UNC45A: variants seen among roughly 807,000 people sequenced by gnomAD.
The protein encoded by UNC45A is unc-45 myosin chaperone A.
A neutral mutation model predicts 103.2 loss-of-function variants in UNC45A; 78 were observed. The observed-to-expected ratio is 0.76, with a 90% CI of 0.63 to 0.91. The LOEUF (loss-of-function observed/expected upper bound fraction) is 0.91, where lower values mean the gene tolerates loss of function less well. Ranked by LOEUF, UNC45A falls within the 40% of genes least tolerant of loss-of-function variation. UNC45A has a pLI of 0.00. For synonymous variants in UNC45A, 495 were observed against 504.6 expected (o/e 0.98, Z 0.25); for missense variants, 1,193 against 1,224.8 (o/e 0.97, Z 0.39).
rs776816231 is a variant in UNC45A at position 90,935,350 on chromosome 15, C to T, written c.26C>T (p.Pro9Leu). The T allele has an allele frequency of 6.2e-7, 1 of 1,604,360 alleles. No homozygotes were observed. The highest frequency in any genetic ancestry group is 2.3e-5 in the East Asian group (1 of 44,432). The change falls in exon 1 of 20, where the codon CCC becomes CTC. Residue 9 changes from proline (P) to leucine (L), a missense_variant. Transcript: ENST00000418476. ...ATGACTGTGAGTGGTCCAGGGACCC[C>T]CGAGCCCCGGCCGGCCACCCCCGGG... MTVSGPGT[P>L]EPRPATPGAS... is the part of the protein sequence containing the mutation.
At chr15:90,947,662 A>G (rs949513494) in intron 10 of UNC45A, 134 bp from the exon 11 acceptor site, 4 of 640,968 alleles carry the variant, frequency 6.2e-6, no homozygotes, top group Admixed American at 4.8e-5. Flanking sequence ...CTGGAGGGAG[A>G]GGGTGCTGAT....
chr15:90,931,163 TAA>T, upstream of UNC45A: 5 of 1,336,166 alleles, frequency 3.7e-6, no homozygotes, highest in Admixed American at 4.9e-5. Context: ...TTTTGGCCTC[TAA>T]TATCTGGGAA....
rs1354251649 is a variant in UNC45A, at chr15:90,942,981, G to A, written c.926G>A (p.Gly309Asp). Residue 309 changes from glycine to aspartate, a missense_variant, in exon 8 of 20, where the codon GGC becomes GAC. Transcript: ENST00000418476. ...CTGCTGACAGAGGTGGGGGTCTCTG[G>A]CCAAGGCCGAGACAATGCCCTGACC... ...LDLLTEVGVS[G>D]QGRDNALTLL... is the part of the protein sequence containing the mutation. 1.2e-6 allele frequency: 2 copies of A among 1,614,164 alleles called. No homozygotes were observed. The highest frequency in any genetic ancestry group is 4.5e-5 in the East Asian group (2 of 44,884).
Position 90,935,841 on chromosome 15 carries a change from G to A in UNC45A, c.214-105G>A, listed in dbSNP as rs558251929. On this transcript the variant is annotated intron_variant, in intron 2 of 19. Transcript: ENST00000418476. ...CCAGATGTTTTTTGCACCTCAGGGT[G>A]GTGGGGGATCGGGTGACCTTGGAGA... 2.5e-6 allele frequency: 4 copies of A among 1,580,970 alleles called. No individual in the cohort carries two copies. In the African/African-American group the frequency reaches 5.4e-5, roughly 21 times the overall value.
chr15:90,950,679 A>G, intron 17 of UNC45A, 64 bp downstream of exon 17: 3 of 1,507,116 alleles, frequency 2.0e-6, no homozygotes, highest in South Asian at 2.3e-5. Context: ...CCCCCACAGC[A>G]GTTTACACAT....
chr15:90,945,145 G>C, intron 9 of UNC45A, 82 bp downstream of exon 9: 1 of 1,538,998 alleles, frequency 6.5e-7, no homozygotes, highest in South Asian at 1.2e-5. Flanking sequence ...AGAAATGAAA[G>C]GTTTCCAGCA....
At chr15:90,931,864 C>T, upstream of UNC45A, 2 of 1,614,152 alleles carry the variant, frequency 1.2e-6, no homozygotes, top group Non-Finnish European at 1.7e-6. Flanking sequence ...CCACCAGGCG[C>T]CGCACTTGTG....
chr15:90,934,208 C>T (rs866890103), upstream of UNC45A: 1 of 399,628 alleles, frequency 2.5e-6, no homozygotes. Flanking sequence ...GGAACTGGAA[C>T]TGATGGGGAT....
intron 3 of UNC45A, 134 bp downstream of exon 3, chr15:90,936,116 C>T (rs1405600535): frequency 2.0e-6 from 3 of 1,515,844 alleles, no homozygotes; most frequent in East Asian, 2.3e-5. Context: ...CCCACTGCCT[C>T]GGGCCTTTCC....
upstream of UNC45A, chr15:90,935,178 C>A: frequency 1.3e-6 from 1 of 778,654 alleles, no homozygotes; most frequent in Non-Finnish European, 2.1e-6. Flanking sequence ...CGCCCCTGCC[C>A]GGGCGCGCTC....
chr15:90,950,085 C>G, intron 15 of UNC45A, 69 bp from the exon 16 acceptor site: 1 of 1,468,152 alleles, frequency 6.8e-7, no homozygotes, highest in Non-Finnish European at 9.3e-7. Flanking sequence ...ACGGTCAGGG[C>G]TGGGGAGCCC....
intron 3 of UNC45A, 106 bp downstream of exon 3, chr15:90,936,088 C>T (rs1052030919): frequency 6.4e-6 from 10 of 1,557,324 alleles, no homozygotes; most frequent in African/African-American, 2.7e-5. Context: ...CCCAGAGACA[C>T]ATCTGCCTTC....
upstream of UNC45A, chr15:90,932,887 G>C (rs1421281796): frequency 4.1e-6 from 1 of 245,026 alleles, no homozygotes; most frequent in African/African-American, 2.2e-5. Flanking sequence ...AGGCTCAGGG[G>C]ACTATGGGAG....
At chr15:90,950,031 C>A in intron 15 of UNC45A, 123 bp from the exon 16 acceptor site, 1 of 900,530 alleles carries the variant, frequency 1.1e-6, no homozygotes, top group Non-Finnish European at 1.7e-6. Flanking sequence ...AGAGGGTCTG[C>A]ACAGGGAGTC....
chr15:90,953,066 CT>C lies in UNC45A; in HGVS notation c.2421+21del, dbSNP rs1277159079. ...AAGGAGGTGAGGGTTGGTCTGGGTG[CT>C]CATGACAGGCGGGGATGCAGAGGTA... On this transcript the variant is annotated intron_variant, in intron 18 of 19. Transcript: ENST00000418476. 8 of 1,613,464 alleles carry C rather than the reference CT, an allele frequency of 5.0e-6. No homozygotes were observed. Among genetic ancestry groups the C allele is most frequent in the Non-Finnish European group, 6.8e-6 (8 of 1,179,974 alleles).
Position 90,936,324 on chromosome 15 carries a change from G to C in UNC45A, c.290G>C (p.Arg97Pro), listed in dbSNP as rs1484793037. 3.1e-6 allele frequency: 5 copies of C among 1,614,092 alleles called. No homozygotes were observed. The highest frequency in any genetic ancestry group is 1.6e-4 in the Middle Eastern group (1 of 6,062). Residue 97 changes from arginine to proline, a missense_variant, in exon 4 of 20, where the codon CGG becomes CCG. Arg to Pro is a moderately radical substitution (Grantham distance 103). Coordinates refer to ENST00000418476, the MANE Select transcript of UNC45A (RefSeq NM_018671.5). ...GGTGGGGATGTCAAAGCACTCTACC[G>C]GCGGAGCCAAGCCCTAGAGAAGCTG... ...KDGGDVKALY[R>P]RSQALEKLGR...
At chr15:90,936,153 T>C in intron 3 of UNC45A, 132 bp from the exon 4 acceptor site, 1 of 1,502,982 alleles carries the variant, frequency 6.7e-7, no homozygotes, top group Non-Finnish European at 8.9e-7. Context: ...TCACCTTTTC[T>C]GAGGCTGAAG....
At chr15:90,942,827 G>A in intron 7 of UNC45A, 85 bp from the exon 8 acceptor site, 1 of 1,527,068 alleles carries the variant, frequency 6.5e-7, no homozygotes, top group Admixed American at 2.0e-5. Flanking sequence ...CCTTCCCTGT[G>A]TCTCCCTGGT....
At chr15:90,950,322 G>T (rs1487479239) in intron 16 of UNC45A, 55 bp downstream of exon 16, 1 of 1,537,682 alleles carries the variant, frequency 6.5e-7, no homozygotes, top group Non-Finnish European at 8.8e-7. Flanking sequence ...ATGGCCTGTG[G>T]GCTGGGCTGT....
Sources: allele counts gnomAD v4.1 joint callset, GRCh38; gene constraint gnomAD v4.1.1; transcripts MANE v1.5; gene names NCBI Gene and HGNC (gene_info 2026-07-23, HGNC 2026-07-21).